Variants in MGAT4A observed in about 807,000 individuals in gnomAD.
MGAT4A encodes the protein alpha-1,3-mannosyl-glycoprotein 4-beta-N-acetylglucosaminyltransferase A.
MGAT4A carries 33 observed loss-of-function variants against 74.1 expected under a neutral mutation model. The ratio of observed to expected loss-of-function variants is 0.45; its 90% CI spans 0.34 to 0.60. MGAT4A has a LOEUF of 0.60. Ranked by LOEUF, MGAT4A falls within the 20% of genes least tolerant of loss-of-function variation. The probability of loss-of-function intolerance (pLI) is 0.02; values close to 1 mark genes in which losing one functional copy is unlikely to be tolerated. For synonymous variants in MGAT4A, 198 were observed against 210.4 expected, an observed-to-expected ratio of 0.94 and a Z score of 0.51; for missense variants, 479 against 628.3, an observed-to-expected ratio of 0.76 and a Z score of 2.54.
At chr2:98,645,683 A>G in intron 8 of MGAT4A, 141 bp from the exon 9 acceptor site, 1 of 693,670 alleles carries the variant, frequency 1.4e-6, no homozygotes, top group Non-Finnish European at 2.1e-6. Context: ...ATATAAAGCT[A>G]GATATTATTA....
At chr2:98,656,516 ATCT>A (rs757366340) in intron 6 of MGAT4A, 51 bp from the exon 7 acceptor site, 1 of 1,254,946 alleles carries the variant, frequency 8.0e-7, no homozygotes, top group Non-Finnish European at 1.1e-6. Flanking sequence ...GATTTTATTT[ATCT>A]TAAAGCTCAA....
chr2:98,691,617 C>A (rs762648874), intron 2 of MGAT4A, among the ~76,000 whole-genome samples: 1 of 152,184 alleles, frequency 6.6e-6, no homozygotes, highest in Non-Finnish European at 1.5e-5. Flanking sequence ...ACAGTACACA[C>A]TTGATAATGA....
At chr2:98,659,231 G>A (rs142774877) in intron 5 of MGAT4A, among the ~76,000 whole-genome samples, 8 of 152,296 alleles carry the variant, frequency 5.3e-5, no homozygotes, top group Non-Finnish European at 1.0e-4. Flanking sequence ...GTCAAAGACC[G>A]TGAAATTGGG....
At chr2:98,663,704 G>A (rs1243375258) in intron 4 of MGAT4A, among the ~76,000 whole-genome samples, 1 of 152,148 alleles carries the variant, frequency 6.6e-6, no homozygotes, top group African/African-American at 2.4e-5. Flanking sequence ...AGTAATGAAT[G>A]GTCCCCGATT....
At chr2:98,665,780 CCTCT>C (rs1308192663) in intron 4 of MGAT4A, among the ~76,000 whole-genome samples, 1 of 152,226 alleles carries the variant, frequency 6.6e-6, no homozygotes, top group Non-Finnish European at 1.5e-5. Context: ...TCACGGAAGG[CCTCT>C]CTGATATCAG....
At chr2:98,692,582 T>G (rs1374383800) in intron 2 of MGAT4A, among the ~76,000 whole-genome samples, 1 of 152,212 alleles carries the variant, frequency 6.6e-6, no homozygotes, top group Non-Finnish European at 1.5e-5. Flanking sequence ...GCAAGCTCCA[T>G]TCATGGTAAG....
chr2:98,644,798 T>G (rs1410825396), intron 9 of MGAT4A, among the ~76,000 whole-genome samples: 1 of 152,174 alleles, frequency 6.6e-6, no homozygotes, highest in Admixed American at 6.5e-5. Flanking sequence ...CATGCCAGGC[T>G]AATTTTTGTA....
intron 2 of MGAT4A, among the ~76,000 whole-genome samples, chr2:98,700,903 A>C (rs1381342992): frequency 1.3e-5 from 2 of 152,136 alleles, no homozygotes; most frequent in Non-Finnish European, 2.9e-5. Flanking sequence ...AAAAAAAAAA[A>C]AAAACAATCT....
intron 10 of MGAT4A, among the ~76,000 whole-genome samples, chr2:98,641,765 T>C (rs1042296181): frequency 6.6e-6 from 1 of 150,850 alleles, no homozygotes; most frequent in South Asian, 2.1e-4. Flanking sequence ...GAGGCTGAGG[T>C]TGGGGGATCA....
At chr2:98,728,559 C>T (rs1204131099) in intron 1 of MGAT4A, among the ~76,000 whole-genome samples, 1 of 151,810 alleles carries the variant, frequency 6.6e-6, no homozygotes, top group Admixed American at 6.6e-5. Context: ...GCCAGCCTGG[C>T]CAACATGACG....
At chr2:98,699,471 A>C (rs1702321229) in intron 2 of MGAT4A, among the ~76,000 whole-genome samples, 1 of 151,144 alleles carries the variant, frequency 6.6e-6, no homozygotes, top group South Asian at 2.1e-4. Flanking sequence ...TGCCATGTTA[A>C]CTCTTTTCTG....
At chr2:98,699,844 T>C (rs1172376645) in intron 2 of MGAT4A, among the ~76,000 whole-genome samples, 3 of 152,156 alleles carry the variant, frequency 2.0e-5, no homozygotes, top group Non-Finnish European at 4.4e-5. Flanking sequence ...ATGTTTGCCA[T>C]TTCCGCTTGA....
intron 11 of MGAT4A, 57 bp from the exon 12 acceptor site, chr2:98,640,058 A>C (rs1701382424): frequency 1.9e-6 from 3 of 1,554,566 alleles, no homozygotes; most frequent in African/African-American, 1.4e-5. Context: ...AAGAAGAAAA[A>C]CAATAATTAT....
At chr2:98,627,438 C>T (rs566484015) in intron 14 of MGAT4A, among the ~76,000 whole-genome samples, 6 of 152,218 alleles carry the variant, frequency 3.9e-5, no homozygotes, top group South Asian at 2.1e-4. Context: ...TGCGATGGCA[C>T]GATCTCGGCT....
Position 98,620,070 on chromosome 2 carries a change from G to A in MGAT4A, c.*5496C>T, listed in dbSNP as rs2104199590. ...CCTTCCTGTTTGTTCCTTTGAAAAT[G>A]ATCTAGTTAGTGCCCAAACCGGGTG... On this transcript the variant is annotated 3_prime_UTR_variant, in exon 16 of 16. Coordinates refer to ENST00000393487, the MANE Select transcript of MGAT4A (RefSeq NM_012214.3). 6.6e-6 allele frequency: 1 copy of A among 152,264 alleles called. No homozygotes were observed. The highest frequency in any genetic ancestry group is 3.4e-3 in the Middle Eastern group (1 of 294). 9.4% of individuals were successfully genotyped at this position (152,264 alleles called of 1,614,324 possible).
chr2:98,651,145 C>A (rs939672218), intron 8 of MGAT4A, among the ~76,000 whole-genome samples: 1 of 152,012 alleles, frequency 6.6e-6, no homozygotes, highest in Non-Finnish European at 1.5e-5. Flanking sequence ...CACCACTAGA[C>A]CTGCCCTACT....
chr2:98,631,905 G>T (rs1701242791), intron 14 of MGAT4A, among the ~76,000 whole-genome samples: 1 of 151,684 alleles, frequency 6.6e-6, no homozygotes, highest in African/African-American at 2.4e-5. Flanking sequence ...GGATCACGAG[G>T]TCAACACCAG....
chr2:98,647,960 C>T (rs1013301246), intron 8 of MGAT4A, among the ~76,000 whole-genome samples: 3 of 152,170 alleles, frequency 2.0e-5, no homozygotes, highest in Non-Finnish European at 4.4e-5. Flanking sequence ...GGAATAAATT[C>T]CTTTGCCACA....
At chr2:98,662,075 C>T (rs1575256846) in intron 5 of MGAT4A, among the ~76,000 whole-genome samples, 1 of 152,240 alleles carries the variant, frequency 6.6e-6, no homozygotes, top group South Asian at 2.1e-4. Flanking sequence ...TGTGGTGTTC[C>T]ATAGTGCATG....
Sources: gnomAD v4.1 joint callset for allele counts (sites outside exome capture counted in the v4.1 genomes callset) on GRCh38, gnomAD v4.1.1 for gene constraint, MANE v1.5 for transcripts, NCBI Gene and HGNC (gene_info 2026-07-23, HGNC 2026-07-21) for gene names.